The following ENTPD5 variants were observed in gnomAD, a reference collection of about 807,000 sequenced individuals.
ENTPD5 encodes nucleoside diphosphate phosphatase ENTPD5.
ENTPD5 carries 49 observed loss-of-function variants against 60.2 expected under a neutral mutation model. The observed-to-expected ratio is 0.81, with a 90% CI of 0.65 to 1.03. The LOEUF is 1.03. ENTPD5 is among the 50% of genes least tolerant of loss of function. The probability of loss-of-function intolerance (pLI) is 0.00; values close to 1 mark genes in which losing one functional copy is unlikely to be tolerated. For missense variants in ENTPD5, 480 were observed against 507.6 expected, an observed-to-expected ratio of 0.95 and a Z score of 0.52; for synonymous variants, 187 against 185.4, an observed-to-expected ratio of 1.01 and a Z score of -0.07.
intron 3 of ENTPD5, among the ~76,000 whole-genome samples, chr14:74,000,604 A>G (rs2140778111): frequency 6.6e-6 from 1 of 152,002 alleles, no homozygotes; most frequent in African/African-American, 2.4e-5. Context: ...AATATGGTGA[A>G]ACCCCATCTC....
downstream of ENTPD5, chr14:73,961,847 C>T: frequency 6.2e-7 from 1 of 1,614,222 alleles, no homozygotes; most frequent in East Asian, 2.2e-5. Flanking sequence ...TGCCTCCCCG[C>T]TTGTGTTGCT....
intron 3 of ENTPD5, among the ~76,000 whole-genome samples, chr14:74,007,459 T>C (rs766446313): frequency 1.2e-4 from 18 of 151,756 alleles, no homozygotes; most frequent in Non-Finnish European, 2.2e-4. Context: ...GAGGCAGAGG[T>C]TGCAGTGAGC....
At chr14:74,004,235 T>C (rs1687292215) in intron 3 of ENTPD5, among the ~76,000 whole-genome samples, 1 of 152,170 alleles carries the variant, frequency 6.6e-6, no homozygotes, top group Non-Finnish European at 1.5e-5. Context: ...TGGCGTGATC[T>C]TGGCTCACTG....
intron 8 of ENTPD5, 89 bp from the exon 9 acceptor site, chr14:73,976,501 T>C (rs2057451476): frequency 1.0e-6 from 1 of 994,434 alleles, no homozygotes; most frequent in Non-Finnish European, 1.6e-6. Context: ...ACTGAAGGTA[T>C]TCCATACATA....
At chr14:73,975,768 A>C (rs1315455266) in intron 10 of ENTPD5, among the ~76,000 whole-genome samples, 168 bp downstream of exon 10, 22 of 152,192 alleles carry the variant, frequency 1.4e-4, no homozygotes, top group Admixed American at 1.4e-3. Flanking sequence ...GAAGCCTCTT[A>C]GGCTCCTCCG....
At chr14:73,984,378 TG>T (rs1226166475) in intron 5 of ENTPD5, among the ~76,000 whole-genome samples, 3 of 152,194 alleles carry the variant, frequency 2.0e-5, no homozygotes, top group African/African-American at 7.2e-5. Flanking sequence ...AACTGTTGTG[TG>T]CATGAGGCAT....
In ENTPD5 at chr14:74,000,698, G is replaced by A. The variant is rs148045611; in HGVS notation, c.-71+10393C>T. Among the ~76,000 whole-genome samples the A allele has an allele frequency of 4.4e-3, 672 of 151,104 alleles. 3 individuals are homozygous for A. Among genetic ancestry groups the A allele is most frequent in the African/African-American group, 0.016 (646 of 41,056 alleles). On this transcript the variant is annotated intron_variant, in intron 3 of 15. Transcript: ENST00000334696. The stretch of plus-strand genomic sequence containing the variant: ...GGAGGCTGAGGTGGGAGAATTGCTT[G>A]AACCTGGGAGGCGAGGCTGCAGGGA...
intron 3 of ENTPD5, among the ~76,000 whole-genome samples, chr14:74,006,530 G>A (rs1291047566): frequency 2.0e-5 from 3 of 150,468 alleles, no homozygotes; most frequent in African/African-American, 7.3e-5. Context: ...TGATCCGCCC[G>A]CCTCGGCCTC....
At chr14:73,956,322 C>T (rs372920477), downstream of ENTPD5, 2,472 of 133,998 alleles carry the variant, frequency 0.018, 23 homozygotes, top group Middle Eastern at 0.065. Flanking sequence ...AGCAAGACTC[C>T]GTCTCAAAAA....
rs927911411 is a variant in ENTPD5, at chr14:73,963,827, G to A, written c.*3101C>T. The A allele has an allele frequency of 6.6e-6, 1 of 152,208 alleles. No individual in the cohort carries two copies. Among genetic ancestry groups the A allele is most frequent in the Non-Finnish European group, 1.5e-5 (1 of 68,060 alleles). 9.4% of individuals were successfully genotyped at this position (152,208 alleles called of 1,614,324 possible). A position where few individuals can be genotyped will look rare whatever the true frequency, so the allele number is the denominator to read the frequency against. ...TAAAGAACATCTTGCCCAGAAGTCT[G>A]ATTTGAGATGAAATGAAGAGAAACA... is the stretch of plus-strand genomic sequence containing the variant. On this transcript the variant is annotated 3_prime_UTR_variant, in exon 16 of 16. Transcript: ENST00000334696.
At chr14:73,972,744 T>G (rs2057279038) in intron 13 of ENTPD5, 140 bp downstream of exon 13, 1 of 990,800 alleles carries the variant, frequency 1.0e-6, no homozygotes, top group Admixed American at 2.7e-5. Flanking sequence ...TCTAAGTCAT[T>G]TCCACCCTTT....
chr14:74,003,729 A>G (rs1210494209), intron 3 of ENTPD5, among the ~76,000 whole-genome samples: 3 of 152,110 alleles, frequency 2.0e-5, no homozygotes, highest in Non-Finnish European at 1.5e-5. Context: ...GTGGCCGAGT[A>G]TAACAACCAT....
intron 15 of ENTPD5, among the ~76,000 whole-genome samples, chr14:73,968,253 GGATTA>G (rs1388415823): frequency 6.6e-6 from 1 of 152,120 alleles, no homozygotes; most frequent in Non-Finnish European, 1.5e-5. Flanking sequence ...TATAAGAAGA[GGATTA>G]GATTAGTGTT....
intron 3 of ENTPD5, among the ~76,000 whole-genome samples, chr14:74,006,799 G>T (rs897613502): frequency 6.6e-6 from 1 of 151,744 alleles, no homozygotes; most frequent in Non-Finnish European, 1.5e-5. Context: ...TGCCCAGGCT[G>T]GTCTCAAACC....
At chr14:73,973,192 C>T (rs74492048) in intron 12 of ENTPD5, among the ~76,000 whole-genome samples, 168 bp from the exon 13 acceptor site, 9,438 of 152,266 alleles carry the variant, frequency 0.062, 471 homozygotes, top group South Asian at 0.27. Flanking sequence ...GAGCAAACGT[C>T]TGCAGCCTCA....
chr14:73,991,351 G>T (rs1188902075), intron 3 of ENTPD5, among the ~76,000 whole-genome samples: 7 of 152,042 alleles, frequency 4.6e-5, no homozygotes, highest in African/African-American at 1.2e-4. Flanking sequence ...ACTTTGGGAG[G>T]CCAATGCTGG....
chr14:74,015,201 C>T (rs1424816548), intron 2 of ENTPD5, among the ~76,000 whole-genome samples: 3 of 151,824 alleles, frequency 2.0e-5, no homozygotes, highest in Non-Finnish European at 4.4e-5. Context: ...ACTGATCCAC[C>T]TATAAAGTAC....
intron 11 of ENTPD5, among the ~76,000 whole-genome samples, chr14:73,974,473 T>C (rs7157377): frequency 0.15 from 22,631 of 152,202 alleles, 2,212 homozygotes; most frequent in East Asian, 0.34. Flanking sequence ...GGGGCACAGA[T>C]AGGTTACTTG....
downstream of ENTPD5, chr14:73,960,838 A>G (rs2056686687): frequency 4.8e-6 from 2 of 413,972 alleles, no homozygotes; most frequent in Non-Finnish European, 9.1e-6. Flanking sequence ...AGAGACGGGC[A>G]TTCTAAGCAG....
Sources: gnomAD v4.1 joint callset for allele counts (sites outside exome capture counted in the v4.1 genomes callset) on GRCh38, gnomAD v4.1.1 for gene constraint, MANE v1.5 for transcripts, NCBI Gene and HGNC (gene_info 2026-07-23, HGNC 2026-07-21) for gene names.